The following NCOR2 variants were observed in gnomAD, a reference collection of about 807,000 sequenced individuals.
The protein encoded by NCOR2 is CTG repeat protein 26.
Under a neutral mutation model 262.9 loss-of-function variants are expected in NCOR2, and 81 were observed. The ratio of observed to expected loss-of-function variants is 0.31; its 90% confidence interval spans 0.26 to 0.37. NCOR2 has a LOEUF of 0.37. Among genes scored for constraint, NCOR2 ranks in the 10% least tolerant of loss-of-function variants. The probability of loss-of-function intolerance (pLI) is 1.00; values close to 1 mark genes in which losing one functional copy is unlikely to be tolerated. For missense variants in NCOR2, 3,385 were observed against 3,621.4 expected, an observed-to-expected ratio of 0.93 and a Z score of 1.68; for synonymous variants, 1,659 against 1,559.3, an observed-to-expected ratio of 1.06 and a Z score of -1.51.
intron 1 of NCOR2, among the ~76,000 whole-genome samples, chr12:124,505,609 A>G (rs1207754973): frequency 6.6e-6 from 1 of 152,172 alleles, no homozygotes; most frequent in Non-Finnish European, 1.5e-5. Flanking sequence ...CCACTTCCAC[A>G]GCTGTGTGAC....
intron 3 of NCOR2, among the ~76,000 whole-genome samples, chr12:124,480,015 G>A (rs913401455): frequency 7.9e-5 from 12 of 152,210 alleles, no homozygotes; most frequent in African/African-American, 2.9e-4. Flanking sequence ...AATGGCACCC[G>A]CCATCACTGC....
Position 124,419,803 on chromosome 12 carries a change from C to T in NCOR2, c.1482+154G>A, listed in dbSNP as rs527657701. On this transcript the variant is annotated intron_variant, in intron 13 of 46. Coordinates refer to ENST00000405201, the Ensembl canonical transcript of NCOR2. ...GGTCTCCCCACATCTGCTGCTACCA[C>T]GGAGGGGAGCCTGCACTCACACTGC... Among the ~76,000 whole-genome samples, 8 of 152,348 alleles carry T rather than the reference C, an allele frequency of 5.3e-5. No individual in the cohort carries two copies. The East Asian group carries it at 1.5e-3, about 29-fold the overall frequency.
intron 11 of NCOR2, among the ~76,000 whole-genome samples, chr12:124,424,211 T>G (rs529999203): frequency 3.8e-4 from 58 of 152,308 alleles, no homozygotes; most frequent in Middle Eastern, 3.4e-3. Flanking sequence ...CCTTTTTTTT[T>G]GTATTTCAGA....
Position 124,549,357 on chromosome 12 carries a change from C to T in NCOR2, c.-164-13746G>A, listed in dbSNP as rs572832171. On this transcript the variant is annotated intron_variant, in intron 1 of 32. Coordinates refer to the NCOR2 transcript ENST00000458234. The surrounding 1 kb of genome is among the most constrained non-coding windows in gnomAD (Gnocchi z 4.4). The stretch of plus-strand genomic sequence containing the variant: ...GGTGGCCCACTGCCCGTCTGGCTTT[C>T]GAGGAGATAAGCCGCCTGCTCAGGT... Among the ~76,000 whole-genome samples, 3 of 152,292 alleles carry T rather than the reference C, an allele frequency of 2.0e-5. No individual in the cohort carries two copies. The highest frequency in any genetic ancestry group is 7.2e-5 in the African/African-American group (3 of 41,546).
At chr12:124,356,106 C>CT (rs1360730725) in intron 23 of NCOR2, among the ~76,000 whole-genome samples, 1 of 152,224 alleles carries the variant, frequency 6.6e-6, no homozygotes, top group African/African-American at 2.4e-5. Flanking sequence ...TGCCTCTGGG[C>CT]TTTTGCACTT....
At chr12:124,343,785 C>A (rs2036668601) in intron 32 of NCOR2, among the ~76,000 whole-genome samples, 1 of 152,100 alleles carries the variant, frequency 6.6e-6, no homozygotes, top group Non-Finnish European at 1.5e-5. Context: ...TACCACCACA[C>A]CCGGTTATTT....
At chr12:124,422,313 C>A (rs999525409) in intron 12 of NCOR2, among the ~76,000 whole-genome samples, 188 bp downstream of exon 14, 23 of 152,156 alleles carry the variant, frequency 1.5e-4, no homozygotes, top group African/African-American at 5.3e-4. Context: ...GAGGCCAGGG[C>A]GGGGCCTGCA....
chr12:124,439,853 A>G (rs2044711854), intron 7 of NCOR2, among the ~76,000 whole-genome samples: 1 of 151,666 alleles, frequency 6.6e-6, no homozygotes. Flanking sequence ...AGGGAAAGAG[A>G]CAAGACCCGA....
Position 124,378,198 on chromosome 12 carries a change from C to T in NCOR2, c.2167+39G>A, listed in dbSNP as rs760757934. 2 of 1,603,026 alleles carry T rather than the reference C, an allele frequency of 1.2e-6. No homozygotes were observed. The highest frequency in any genetic ancestry group is 1.7e-6 in the Non-Finnish European group (2 of 1,173,052). On this transcript the variant is annotated intron_variant, in intron 18 of 46. Transcript: ENST00000405201. This position sits in a 1 kb window ranked among gnomAD's most constrained non-coding sequence, Gnocchi z 4.2. ...TATGCCCTCCCTCAGAGCTCGGACC[C>T]ACAGCTGCCAGCCACCTCCAAGCCG...
intron 23 of NCOR2, 115 bp from the exon 26 acceptor site, chr12:124,355,686 A>G: frequency 7.2e-7 from 1 of 1,385,696 alleles, no homozygotes; most frequent in Non-Finnish European, 9.4e-7. Flanking sequence ...GTGCCCATCC[A>G]TGCGCACTCC....
At chr12:124,545,725 CCA>C (rs1317309530) in intron 1 of NCOR2, among the ~76,000 whole-genome samples, 1 of 152,142 alleles carries the variant, frequency 6.6e-6, no homozygotes, top group East Asian at 1.9e-4. Flanking sequence ...CCCACATACT[CCA>C]CAGAGTGAGC....
exon 20 of NCOR2, chr12:124,372,122 C>A (rs569531615): frequency 2.5e-6 from 4 of 1,601,688 alleles, no homozygotes; most frequent in Middle Eastern, 1.6e-4. Flanking sequence ...GCTGTGGTGG[C>A]CCTGCCGCTC....
rs569605377 is a variant in NCOR2, at chr12:124,431,604, CACAT to C, written c.883-821_883-818del. 6.6e-5 allele frequency among the ~76,000 whole-genome samples: 10 copies of C among 151,162 alleles called. No individual in the cohort carries two copies. In the South Asian group the frequency reaches 1.5e-3, roughly 22 times the overall value. ...ACACACACAGATATATGCACAGGCA[CACAT>C]ACATACAGTCAGACAGATATACACA... On this transcript the variant is annotated intron_variant, in intron 8 of 46. Transcript: ENST00000405201.
At chr12:124,488,203 G>A (rs1307738759) in intron 1 of NCOR2, among the ~76,000 whole-genome samples, 1 of 152,168 alleles carries the variant, frequency 6.6e-6, no homozygotes, top group Non-Finnish European at 1.5e-5. Flanking sequence ...TAATGTATCT[G>A]TTGCAGACCC....
intron 6 of NCOR2, among the ~76,000 whole-genome samples, chr12:124,456,358 G>A (rs1002596812): frequency 2.6e-5 from 4 of 152,200 alleles, no homozygotes; most frequent in Non-Finnish European, 4.4e-5. Context: ...CAGGGGCTGC[G>A]GCCCATTCTC....
At chr12:124,559,562 G>A (rs868570931) in intron 1 of NCOR2, among the ~76,000 whole-genome samples, 4 of 152,222 alleles carry the variant, frequency 2.6e-5, no homozygotes, top group Admixed American at 1.3e-4. Context: ...AGGGGATGGT[G>A]CATGAAAGCA....
intron 27 of NCOR2, among the ~76,000 whole-genome samples, chr12:124,353,752 C>T (rs2037709784): frequency 6.6e-6 from 1 of 152,262 alleles, no homozygotes; most frequent in South Asian, 2.1e-4. Flanking sequence ...TGACATGTCA[C>T]CTTCCTCACC....
chr12:124,435,742 C>A (rs1050861442), intron 8 of NCOR2, among the ~76,000 whole-genome samples: 1 of 152,182 alleles, frequency 6.6e-6, no homozygotes, highest in Non-Finnish European at 1.5e-5. Context: ...CCGCTCACCA[C>A]ACCACCATAC....
At chr12:124,420,927 G>A (rs559491634) in intron 12 of NCOR2, among the ~76,000 whole-genome samples, 15 of 152,316 alleles carry the variant, frequency 9.8e-5, no homozygotes, top group Admixed American at 9.1e-4. Context: ...AAGTACGACC[G>A]CCAGGGGGGC....
Sources: allele counts gnomAD v4.1 joint callset (sites outside exome capture counted in the v4.1 genomes callset), GRCh38; gene constraint gnomAD v4.1.1; non-coding constraint Gnocchi (gnomAD v3.1); transcripts MANE v1.5; gene names NCBI Gene and HGNC (gene_info 2026-07-23, HGNC 2026-07-21).